C8orf34: variants seen among roughly 807,000 people sequenced by gnomAD.
C8orf34 encodes the protein uncharacterized protein C8orf34.
A neutral mutation model predicts 68.3 loss-of-function variants in C8orf34; 65 were observed. That is an observed-to-expected ratio of 0.95 (90% CI 0.78 to 1.17). C8orf34 has a LOEUF of 1.17. Among genes scored for constraint, C8orf34 ranks in the 50% most tolerant of loss-of-function variants. C8orf34 has a pLI of 0.00. For synonymous variants in C8orf34, 244 were observed against 241.2 expected (o/e 1.01, Z -0.11); for missense variants, 664 against 655.4 (o/e 1.01, Z -0.14).
intron 10 of C8orf34, among the ~76,000 whole-genome samples, chr8:68,744,023 G>A (rs576509378): frequency 1.3e-5 from 2 of 152,248 alleles, no homozygotes; most frequent in East Asian, 3.9e-4. Flanking sequence ...CTCCCAGCAT[G>A]CAGCTGGAGA....
chr8:68,590,574 C>A (rs1817357216), intron 7 of C8orf34, among the ~76,000 whole-genome samples: 1 of 152,100 alleles, frequency 6.6e-6, no homozygotes, highest in Non-Finnish European at 1.5e-5. Flanking sequence ...TTTTTATCCC[C>A]TGTCGAAGCC....
chr8:68,489,240 C>T (rs986386550), intron 5 of C8orf34, among the ~76,000 whole-genome samples: 2 of 152,060 alleles, frequency 1.3e-5, no homozygotes, highest in African/African-American at 4.8e-5. Flanking sequence ...AAGAGAGAAG[C>T]ACATAGAAAT....
At chr8:68,621,687 T>A (rs147251093) in intron 7 of C8orf34, among the ~76,000 whole-genome samples, 37 of 152,302 alleles carry the variant, frequency 2.4e-4, no homozygotes, top group African/African-American at 8.9e-4. Flanking sequence ...TGGTTTGGAA[T>A]CTTAACTGTT....
Position 68,706,879 on chromosome 8 carries a change from G to T in C8orf34, c.1242-2115G>T, listed in dbSNP as rs531582189. On this transcript the variant is annotated intron_variant, in intron 8 of 13. Coordinates refer to ENST00000518698, the MANE Select transcript of C8orf34 (RefSeq NM_052958.4). ...GTCAGGCAGCCTCCCTGGGAGAGGA[G>T]GTCCTGGAAGACCCTTAGAGAAAAG... Among the ~76,000 whole-genome samples the T allele has an allele frequency of 1.6e-4, 24 of 152,276 alleles. No homozygotes were observed. The South Asian group carries it at 4.4e-3, about 28-fold the overall frequency.
intron 10 of C8orf34, among the ~76,000 whole-genome samples, chr8:68,743,737 C>T (rs1219845305): frequency 6.6e-6 from 1 of 152,216 alleles, no homozygotes; most frequent in Non-Finnish European, 1.5e-5. Context: ...GGTCCTACGC[C>T]CACGGAGTCT....
intron 10 of C8orf34, among the ~76,000 whole-genome samples, chr8:68,766,188 A>T (rs1443198033): frequency 6.6e-6 from 1 of 152,202 alleles, no homozygotes; most frequent in Non-Finnish European, 1.5e-5. Context: ...AACATGAGAG[A>T]CGTAAAGTCC....
chr8:68,806,577 T>G (rs917381065), intron 12 of C8orf34, among the ~76,000 whole-genome samples: 4 of 152,204 alleles, frequency 2.6e-5, no homozygotes, highest in Admixed American at 2.0e-4. Flanking sequence ...CGTCTTCAAA[T>G]GTTAACATTT....
intron 10 of C8orf34, among the ~76,000 whole-genome samples, chr8:68,760,974 C>T (rs192209767): frequency 0.01 from 1,558 of 152,286 alleles, 8 homozygotes; most frequent in Non-Finnish European, 0.016. Context: ...GTCTCAGCTT[C>T]TACAGCTGTA....
intron 1 of C8orf34, among the ~76,000 whole-genome samples, chr8:68,397,391 C>T (rs1026586183): frequency 2.0e-5 from 3 of 152,082 alleles, no homozygotes; most frequent in African/African-American, 7.2e-5. Flanking sequence ...TAACTAGGCT[C>T]CCAACTTCCA....
At chr8:68,510,460 C>T (rs1319952710) in intron 5 of C8orf34, among the ~76,000 whole-genome samples, 1 of 152,136 alleles carries the variant, frequency 6.6e-6, no homozygotes, top group Non-Finnish European at 1.5e-5. Context: ...ATTAGCTATT[C>T]CTCTTGTTCT....
chr8:68,751,489 T>A (rs1822707237), intron 10 of C8orf34, among the ~76,000 whole-genome samples: 1 of 152,206 alleles, frequency 6.6e-6, no homozygotes. Flanking sequence ...AAGGACTTAA[T>A]ACTTGGTGAG....
intron 5 of C8orf34, among the ~76,000 whole-genome samples, chr8:68,502,290 T>G (rs1312909396): frequency 6.6e-6 from 1 of 152,148 alleles, no homozygotes; most frequent in Non-Finnish European, 1.5e-5. Context: ...GGAATCAGGT[T>G]CCCTTAGAAT....
intron 7 of C8orf34, among the ~76,000 whole-genome samples, chr8:68,567,989 C>T (rs1441351187): frequency 6.6e-6 from 1 of 151,614 alleles, no homozygotes; most frequent in Non-Finnish European, 1.5e-5. Flanking sequence ...ATTAATTGGC[C>T]TAATTTCAGT....
chr8:68,534,666 G>A (rs16934696), intron 7 of C8orf34: 6 of 985,224 alleles, frequency 6.1e-6, no homozygotes, highest in South Asian at 4.7e-5. Context: ...GTTTGCTCAC[G>A]TAGGTATGGG....
intron 8 of C8orf34, among the ~76,000 whole-genome samples, chr8:68,704,232 G>A (rs1432345866): frequency 6.6e-6 from 1 of 152,070 alleles, no homozygotes; most frequent in African/African-American, 2.4e-5. Context: ...ATTTGCACAG[G>A]TGCTAAGACT....
At chr8:68,534,126 A>G in intron 7 of C8orf34, 2 of 981,450 alleles carry the variant, frequency 2.0e-6, no homozygotes, top group South Asian at 9.4e-5. Flanking sequence ...AAAATGATAT[A>G]TTGCTTATCA....
chr8:68,562,993 C>T (rs1369643585), intron 7 of C8orf34, among the ~76,000 whole-genome samples: 1 of 152,116 alleles, frequency 6.6e-6, no homozygotes, highest in Non-Finnish European at 1.5e-5. Flanking sequence ...TGGCACAGCA[C>T]TATAATTTTT....
chr8:68,776,300 A>G (rs568926128), intron 10 of C8orf34, 99 bp from the exon 11 acceptor site: 2 of 834,270 alleles, frequency 2.4e-6, no homozygotes, highest in South Asian at 1.5e-5. Flanking sequence ...AGAATAGCAA[A>G]TATTTGGTGT....
chr8:68,489,555 A>AT (rs2129631709), intron 5 of C8orf34, among the ~76,000 whole-genome samples: 1 of 152,286 alleles, frequency 6.6e-6, no homozygotes, highest in Non-Finnish European at 1.5e-5. Flanking sequence ...TTTATGCAAT[A>AT]TTCTTAGTAA....
Sources: allele counts gnomAD v4.1 joint callset (sites outside exome capture counted in the v4.1 genomes callset), GRCh38; gene constraint gnomAD v4.1.1; transcripts MANE v1.5; gene names NCBI Gene and HGNC (gene_info 2026-07-23, HGNC 2026-07-21).